The following EYA1 variants were observed in gnomAD, a reference collection of about 807,000 sequenced individuals.
EYA1 encodes protein phosphatase EYA1.
EYA1 carries 16 observed loss-of-function variants against 82.0 expected under a neutral mutation model. The ratio of observed to expected loss-of-function variants is 0.20; its 90% confidence interval spans 0.13 to 0.30. The LOEUF (loss-of-function observed/expected upper bound fraction) is 0.30. Ranked by LOEUF, EYA1 falls within the 10% of genes least tolerant of loss-of-function variation. The probability of loss-of-function intolerance (pLI) is 1.00; values close to 1 mark genes in which losing one functional copy is unlikely to be tolerated. For missense variants in EYA1, 633 were observed against 730.7 expected (o/e 0.87, Z 1.54); for synonymous variants, 261 against 264.4 (o/e 0.99, Z 0.12).
intron 3 of EYA1, among the ~76,000 whole-genome samples, chr8:71,351,853 C>G (rs1017233475): frequency 1.3e-5 from 2 of 152,102 alleles, no homozygotes; most frequent in South Asian, 4.1e-4. Context: ...ATTATAGGAA[C>G]AAGTGGTGGC....
chr8:71,271,646 T>G (rs1195158277), intron 10 of EYA1, 112 bp downstream of exon 10: 5 of 1,132,904 alleles, frequency 4.4e-6, no homozygotes, highest in Non-Finnish European at 6.7e-6. Flanking sequence ...AAGAAAGCAG[T>G]AACAAAAGCA....
chr8:71,508,128 T>C (rs1812326570), intron 2 of EYA1, among the ~76,000 whole-genome samples: 1 of 152,228 alleles, frequency 6.6e-6, no homozygotes, highest in Non-Finnish European at 1.5e-5. Context: ...CCTTTGTCCT[T>C]GTGCTTCTGC....
At chr8:71,444,544 A>G (rs980320375) in intron 2 of EYA1, among the ~76,000 whole-genome samples, 2 of 152,222 alleles carry the variant, frequency 1.3e-5, no homozygotes, top group Non-Finnish European at 2.9e-5. Context: ...AGTCAAATTA[A>G]GATGTAAGGA....
intron 3 of EYA1, among the ~76,000 whole-genome samples, chr8:71,338,798 G>A (rs933658517): frequency 6.6e-6 from 1 of 152,324 alleles, no homozygotes. Context: ...ACGCTGCAAC[G>A]CGCAGGGAAG....
chr8:71,427,079 C>T (rs1434804663), intron 2 of EYA1, among the ~76,000 whole-genome samples: 9 of 152,224 alleles, frequency 5.9e-5, no homozygotes, highest in Non-Finnish European at 1.2e-4. Context: ...TGCTTTGAAG[C>T]ACTGTCTTGC....
At chr8:71,280,703 T>G (rs1817713761) in intron 9 of EYA1, among the ~76,000 whole-genome samples, 1 of 152,238 alleles carries the variant, frequency 6.6e-6, no homozygotes, top group Non-Finnish European at 1.5e-5. Flanking sequence ...TTCAGCTGAC[T>G]TGCTTTTTTT....
At chr8:71,535,763 C>T (rs775075548) in exon 2 of EYA1, 110 of 1,520,246 alleles carry the variant, frequency 7.2e-5, no homozygotes, top group African/African-American at 8.3e-5. Flanking sequence ...ATTTATCCCC[C>T]GGGGGTCTTC....
chr8:71,441,028 C>T (rs1048032913), intron 2 of EYA1, among the ~76,000 whole-genome samples: 3 of 152,008 alleles, frequency 2.0e-5, no homozygotes, highest in African/African-American at 7.3e-5. Context: ...ATCAAAACCA[C>T]TGATAAGCAC....
At chr8:71,234,090 C>G (rs914928294) in intron 12 of EYA1, among the ~76,000 whole-genome samples, 1 of 152,184 alleles carries the variant, frequency 6.6e-6, no homozygotes, top group Non-Finnish European at 1.5e-5. Flanking sequence ...ACTGTACCTG[C>G]AGACTCTACC....
intron 2 of EYA1, among the ~76,000 whole-genome samples, chr8:71,454,171 A>C (rs1563629981): frequency 6.6e-6 from 1 of 152,236 alleles, no homozygotes; most frequent in African/African-American, 2.4e-5. Flanking sequence ...AAAGAGACAA[A>C]GAAGGCCATT....
chr8:71,379,893 A>G (rs1161514069), intron 2 of EYA1, among the ~76,000 whole-genome samples: 1 of 152,230 alleles, frequency 6.6e-6, no homozygotes, highest in Non-Finnish European at 1.5e-5. Flanking sequence ...TGGCCTAATC[A>G]ATAGAGACTG....
chr8:71,412,369 T>TA (rs1830645251), intron 2 of EYA1, among the ~76,000 whole-genome samples: 1 of 147,724 alleles, frequency 6.8e-6, no homozygotes, highest in Non-Finnish European at 1.5e-5. Flanking sequence ...CCCTAAAACT[T>TA]AAAGTATAAT....
chr8:71,266,611 G>A (rs1358654812), intron 11 of EYA1, among the ~76,000 whole-genome samples: 1 of 152,236 alleles, frequency 6.6e-6, no homozygotes, highest in South Asian at 2.1e-4. Flanking sequence ...CAAGGAAGGT[G>A]CTCAAAAAAT....
rs146998914 is a variant in EYA1, at chr8:71,352,103, G to C, written c.124+2679C>G. 2.7e-3 allele frequency among the ~76,000 whole-genome samples: 416 copies of C among 152,266 alleles called. 3 individuals are homozygous for C. The highest frequency in any genetic ancestry group is 9.6e-3 in the African/African-American group (400 of 41,556). On this transcript the variant is annotated intron_variant, in intron 3 of 17. Transcript: ENST00000340726. Reference sequence around the variant, plus strand: ...ATTTTAAAGACTCTTAAATTGTAATGAATTTCTTGATTTCATTCCTTTAAT... The same window carrying C: ...ATTTTAAAGACTCTTAAATTGTAATCAATTTCTTGATTTCATTCCTTTAAT...
chr8:71,305,249 G>A (rs1477234853), intron 7 of EYA1, among the ~76,000 whole-genome samples: 2 of 142,810 alleles, frequency 1.4e-5, no homozygotes, highest in Admixed American at 6.9e-5. Context: ...AAATAGAGCC[G>A]CTACATCCTA....
At chr8:71,269,578 T>C (rs1332786257) in intron 11 of EYA1, among the ~76,000 whole-genome samples, 162 bp downstream of exon 11, 2 of 152,246 alleles carry the variant, frequency 1.3e-5, no homozygotes, top group African/African-American at 2.4e-5. Flanking sequence ...TCTTTGGCTC[T>C]TTTACATATT....
rs72507507 is a variant in EYA1 at position 71,207,952 on chromosome 8, G to C, written c.1698+3204C>G. 1.6e-4 allele frequency among the ~76,000 whole-genome samples: 25 copies of C among 152,254 alleles called. No individual in the cohort carries two copies. In the East Asian group the frequency reaches 4.4e-3, roughly 27 times the overall value. The stretch of plus-strand genomic sequence containing the variant: ...AATTGTACCAGCATTTGAATTTTAA[G>C]TGTTTTATTGGGTTGTTCCTACTGT... On this transcript the variant is annotated intron_variant, in intron 17 of 17. Coordinates refer to ENST00000340726, the MANE Select transcript of EYA1 (RefSeq NM_000503.6).
At chr8:71,323,205 A>T (rs980301736) in intron 4 of EYA1, among the ~76,000 whole-genome samples, 2 of 152,294 alleles carry the variant, frequency 1.3e-5, no homozygotes, top group Admixed American at 6.5e-5. Context: ...ATTTACGTTT[A>T]TGGGTATACA....
intron 12 of EYA1, among the ~76,000 whole-genome samples, chr8:71,243,004 C>A (rs1422519526): frequency 6.6e-6 from 1 of 151,996 alleles, no homozygotes; most frequent in African/African-American, 2.4e-5. Flanking sequence ...TCTCGAACTC[C>A]CAACCTCAGG....
Sources: allele counts gnomAD v4.1 joint callset (sites outside exome capture counted in the v4.1 genomes callset), GRCh38; gene constraint gnomAD v4.1.1; transcripts MANE v1.5; gene names NCBI Gene and HGNC (gene_info 2026-07-23, HGNC 2026-07-21).